BBX: variants seen among roughly 807,000 people sequenced by gnomAD.
BBX encodes BBX high mobility group box domain containing, also known as HMG box transcription factor BBX.
In BBX, 30 loss-of-function variants were observed where a neutral mutation model predicts 100.2. The observed-to-expected ratio is 0.30, with a 90% CI of 0.22 to 0.41. The LOEUF (loss-of-function observed/expected upper bound fraction) is 0.41. Ranked by LOEUF, BBX falls within the 10% of genes least tolerant of loss-of-function variation. The probability of loss-of-function intolerance (pLI) is 1.00; values close to 1 mark genes in which losing one functional copy is unlikely to be tolerated. For synonymous variants in BBX, 376 were observed against 388.1 expected, an observed-to-expected ratio of 0.97 and a Z score of 0.37; for missense variants, 1,023 against 1,129.8, an observed-to-expected ratio of 0.91 and a Z score of 1.35.
At chr3:107,575,164 T>C (rs1013236863) in intron 2 of BBX, among the ~76,000 whole-genome samples, 1 of 152,236 alleles carries the variant, frequency 6.6e-6, no homozygotes, top group Non-Finnish European at 1.5e-5. Context: ...GTAAAGAATT[T>C]ACTTTCTTTA....
intron 5 of BBX, among the ~76,000 whole-genome samples, chr3:107,724,547 C>T (rs1176725974): frequency 1.3e-5 from 2 of 152,184 alleles, no homozygotes; most frequent in Non-Finnish European, 2.9e-5. Flanking sequence ...TCAGTTCTAA[C>T]ATGTAAGTCT....
At chr3:107,631,415 T>C (rs989057676) in intron 2 of BBX, among the ~76,000 whole-genome samples, 1 of 152,140 alleles carries the variant, frequency 6.6e-6, no homozygotes, top group African/African-American at 2.4e-5. Flanking sequence ...AAATTCAAAG[T>C]GTCAAGTAAG....
At position 107,709,769 on chromosome 3, in the gene BBX, A is replaced by G. The variant is rs923541168; in HGVS notation, c.-9-683A>G. ...TTTAATAGAAATATGTATTGCTTTT[A>G]TCATGGAGAAGAACTTTTTTTTACA... On this transcript the variant is annotated intron_variant, in intron 3 of 17. Coordinates refer to ENST00000325805, the MANE Select transcript of BBX (RefSeq NM_001142568.3). 3.3e-5 allele frequency among the ~76,000 whole-genome samples: 5 copies of G among 152,234 alleles called. No homozygotes were observed. The East Asian group carries it at 9.6e-4, about 29-fold the overall frequency.
intron 16 of BBX, among the ~76,000 whole-genome samples, chr3:107,799,372 T>A (rs2070158570): frequency 6.6e-6 from 1 of 152,144 alleles, no homozygotes. Context: ...AAAATGAGTC[T>A]ATTCTGCAGC....
At chr3:107,669,734 T>C (rs1345226265) in intron 3 of BBX, among the ~76,000 whole-genome samples, 6 of 152,180 alleles carry the variant, frequency 3.9e-5, no homozygotes, top group Non-Finnish European at 5.9e-5. Context: ...AGGCAGTATA[T>C]ATGAGGTACT....
At chr3:107,542,501 T>A (rs972421761) in intron 2 of BBX, among the ~76,000 whole-genome samples, 1 of 152,248 alleles carries the variant, frequency 6.6e-6, no homozygotes, top group East Asian at 1.9e-4. Context: ...CTATGAACTT[T>A]CTTTAGTTTG....
chr3:107,744,813 T>G, intron 8 of BBX, 103 bp downstream of exon 8: 2 of 933,640 alleles, frequency 2.1e-6, no homozygotes, highest in Non-Finnish European at 3.4e-6. Flanking sequence ...TCTACTCAGC[T>G]CAACCATAAG....
At chr3:107,752,227 A>C (rs997892047) in intron 9 of BBX, among the ~76,000 whole-genome samples, 4 of 152,198 alleles carry the variant, frequency 2.6e-5, no homozygotes, top group Non-Finnish European at 5.9e-5. Flanking sequence ...CCAAAATTAA[A>C]ATATTGTCAC....
intron 3 of BBX, among the ~76,000 whole-genome samples, chr3:107,678,833 T>TA (rs1236757427): frequency 2.6e-5 from 4 of 152,202 alleles, no homozygotes; most frequent in African/African-American, 9.6e-5. Context: ...CATTTGCACT[T>TA]ACTGCAAAGC....
chr3:107,616,005 CTTTTTTTTTTTTTTTTTTTTTT>C (rs59614452), intron 2 of BBX, among the ~76,000 whole-genome samples: 4 of 19,246 alleles, frequency 2.1e-4, no homozygotes, highest in East Asian at 9.4e-4. Flanking sequence ...TACTCACCTG[CTTTTTTTTTTTTTTTTTTTTTT>C]TTTTTTTTTT....
At chr3:107,571,641 C>A (rs1323685472) in intron 2 of BBX, among the ~76,000 whole-genome samples, 1 of 152,216 alleles carries the variant, frequency 6.6e-6, no homozygotes, top group African/African-American at 2.4e-5. Context: ...GATCTCCCCA[C>A]AGAGTGAGGG....
chr3:107,621,867 C>T (rs1358454745), intron 2 of BBX, among the ~76,000 whole-genome samples: 1 of 152,154 alleles, frequency 6.6e-6, no homozygotes, highest in Admixed American at 6.5e-5. Flanking sequence ...CCTTTAAATA[C>T]TCTTATTCAT....
intron 2 of BBX, among the ~76,000 whole-genome samples, chr3:107,599,009 G>C (rs1576446889): frequency 6.6e-6 from 1 of 152,088 alleles, no homozygotes. Flanking sequence ...ATATTAACAG[G>C]TCAGAGTAGA....
chr3:107,741,547 T>G (rs987083513), intron 7 of BBX, among the ~76,000 whole-genome samples: 4 of 152,156 alleles, frequency 2.6e-5, no homozygotes, highest in Non-Finnish European at 5.9e-5. Context: ...TTCTTGGGTT[T>G]TTTTCTCCCT....
intron 3 of BBX, among the ~76,000 whole-genome samples, chr3:107,655,676 C>T (rs1243956410): frequency 6.6e-6 from 1 of 150,882 alleles, no homozygotes; most frequent in African/African-American, 2.4e-5. Flanking sequence ...TGCCACCACA[C>T]CTGGCTAAGT....
At chr3:107,694,506 T>A (rs1459930467) in intron 3 of BBX, among the ~76,000 whole-genome samples, 22 of 146,544 alleles carry the variant, frequency 1.5e-4, no homozygotes, top group Admixed American at 2.7e-4. Flanking sequence ...TTTATTGATT[T>A]GCGTATATTG....
At chr3:107,551,680 C>T (rs1442178245) in intron 2 of BBX, among the ~76,000 whole-genome samples, 1 of 152,132 alleles carries the variant, frequency 6.6e-6, no homozygotes, top group African/African-American at 2.4e-5. Context: ...ATGTGAGTAT[C>T]CTGTGCCAGA....
chr3:107,620,724 C>T (rs2055682803), intron 2 of BBX, among the ~76,000 whole-genome samples: 1 of 152,114 alleles, frequency 6.6e-6, no homozygotes, highest in Non-Finnish European at 1.5e-5. Flanking sequence ...ATAGGAATGA[C>T]TCATTACTGT....
At chr3:107,577,633 G>A (rs2051895259) in intron 2 of BBX, among the ~76,000 whole-genome samples, 1 of 152,178 alleles carries the variant, frequency 6.6e-6, no homozygotes, top group South Asian at 2.1e-4. Flanking sequence ...AATGGCTTCT[G>A]TAGTACTTGA....
Sources: gnomAD v4.1 joint callset for allele counts (sites outside exome capture counted in the v4.1 genomes callset) on GRCh38, gnomAD v4.1.1 for gene constraint, MANE v1.5 for transcripts, NCBI Gene and HGNC (gene_info 2026-07-23, HGNC 2026-07-21) for gene names.